The following C7orf33 variants were observed in gnomAD, a reference collection of about 807,000 sequenced individuals.
The protein encoded by C7orf33 is chromosome 7 open reading frame 33.
In C7orf33, 15 loss-of-function variants were observed where a neutral mutation model predicts 13.4. The ratio of observed to expected loss-of-function variants is 1.12; its 90% CI spans 0.75 to 1.72. The LOEUF (loss-of-function observed/expected upper bound fraction) is 1.72. C7orf33 is among the 40% of genes most tolerant of loss of function. C7orf33 has a pLI of 0.00. For missense variants in C7orf33, 187 were observed against 220.3 expected, an observed-to-expected ratio of 0.85 and a Z score of 0.96; for synonymous variants, 73 against 83.2, an observed-to-expected ratio of 0.88 and a Z score of 0.67.
At chr7:148,612,943 G>C (rs530263216) in intron 1 of C7orf33, among the ~76,000 whole-genome samples, 1 of 151,814 alleles carries the variant, frequency 6.6e-6, no homozygotes, top group South Asian at 2.1e-4. Context: ...GATCAAATCA[G>C]GGTAATCAGT....
chr7:148,613,009 C>G (rs995290786), intron 1 of C7orf33, among the ~76,000 whole-genome samples: 5 of 152,078 alleles, frequency 3.3e-5, no homozygotes, highest in Non-Finnish European at 5.9e-5. Context: ...TCAAAACCCT[C>G]TCTTCTAGTT....
At chr7:148,599,945 C>T (rs1007752480) in intron 1 of C7orf33, among the ~76,000 whole-genome samples, 4 of 152,200 alleles carry the variant, frequency 2.6e-5, no homozygotes, top group Non-Finnish European at 2.9e-5. Flanking sequence ...TCCATCTACA[C>T]GCCCATAAAC....
chr7:148,614,707 C>T (rs936147606), intron 2 of C7orf33, among the ~76,000 whole-genome samples: 2 of 152,164 alleles, frequency 1.3e-5, no homozygotes, highest in Admixed American at 6.5e-5. Flanking sequence ...TACGTGAGCC[C>T]GTACAACCAC....
chr7:148,598,002 G>A (rs1309168821), intron 1 of C7orf33, among the ~76,000 whole-genome samples: 7 of 152,246 alleles, frequency 4.6e-5, no homozygotes, highest in African/African-American at 9.6e-5. Flanking sequence ...TGATCCTCCC[G>A]CCTTGGTCTC....
intron 1 of C7orf33, among the ~76,000 whole-genome samples, chr7:148,591,406 T>C (rs151161333): frequency 6.6e-6 from 1 of 152,196 alleles, no homozygotes; most frequent in African/African-American, 2.4e-5. Flanking sequence ...AGCGTAAAAA[T>C]TGTATATTTT....
chr7:148,591,875 T>C (rs1246236016), intron 1 of C7orf33, among the ~76,000 whole-genome samples: 1 of 152,148 alleles, frequency 6.6e-6, no homozygotes, highest in African/African-American at 2.4e-5. Context: ...ACCTGGATCC[T>C]TAACTCTTTG....
Position 148,591,018 on chromosome 7 carries a change from G to C in C7orf33, c.93G>C (p.Gly31=). 6.2e-7 allele frequency: 1 copy of C among 1,614,194 alleles called. No homozygotes were observed. The highest frequency in any genetic ancestry group is 1.3e-5 in the African/African-American group (1 of 75,054). Residue 31 remains glycine (G), a synonymous_variant, in exon 1 of 3, where the codon GGG becomes GGC. Coordinates refer to ENST00000307003, the MANE Select transcript of C7orf33 (RefSeq NM_145304.4). ...AATGTGAAGCCCTCCTGCCCAGTGG[G>C]GCAAGGCGCCGGATTGACCTTCGCC... is the stretch of plus-strand genomic sequence containing the variant. ...QCECEALLPS[G]ARRRIDLRLS... is the part of the protein sequence containing the mutation.
chr7:148,599,416 A>C (rs1796388476), intron 1 of C7orf33, among the ~76,000 whole-genome samples: 1 of 152,072 alleles, frequency 6.6e-6, no homozygotes, highest in African/African-American at 2.4e-5. Flanking sequence ...CTACCTTGAC[A>C]AAAATGCTTT....
chr7:148,611,192 G>A lies in C7orf33; in HGVS notation c.205-2850G>A, dbSNP rs79477747. On this transcript the variant is annotated intron_variant, in intron 1 of 2. Transcript: ENST00000307003. Reference sequence around the variant, plus strand: ...GAGTTGGGCAGGGAAGTGCTGGGTAGAGAAGGGCCAGGTCCCTGGTGAGGG... The same window carrying A: ...GAGTTGGGCAGGGAAGTGCTGGGTAAAGAAGGGCCAGGTCCCTGGTGAGGG... Among the ~76,000 whole-genome samples the A allele has an allele frequency of 1.5e-3, 232 of 152,266 alleles. 6 individuals are homozygous for A. The East Asian group carries it at 0.034, about 23-fold the overall frequency.
At chr7:148,605,027 T>A (rs1264396687) in intron 1 of C7orf33, among the ~76,000 whole-genome samples, 1 of 151,942 alleles carries the variant, frequency 6.6e-6, no homozygotes, top group East Asian at 1.9e-4. Flanking sequence ...AGGTCAGGAG[T>A]TCAAGACCAG....
intron 1 of C7orf33, among the ~76,000 whole-genome samples, chr7:148,613,602 C>T (rs1241646610): frequency 1.3e-5 from 2 of 152,114 alleles, no homozygotes; most frequent in African/African-American, 2.4e-5. Context: ...TGTGAAATGT[C>T]CAGATTGGCA....
intron 1 of C7orf33, among the ~76,000 whole-genome samples, chr7:148,599,711 G>A (rs1028244218): frequency 2.6e-5 from 4 of 152,042 alleles, no homozygotes; most frequent in Non-Finnish European, 5.9e-5. Flanking sequence ...CTGACCTCGT[G>A]ATCCACCCAC....
Position 148,615,017 on chromosome 7 carries a change from G to A in C7orf33, c.460-310G>A, listed in dbSNP as rs1358242752. Among the ~76,000 whole-genome samples, 5 of 152,104 alleles carry A rather than the reference G, an allele frequency of 3.3e-5. No individual in the cohort carries two copies. The East Asian group carries it at 9.6e-4, about 29-fold the overall frequency. On this transcript the variant is annotated intron_variant, in intron 2 of 2. Coordinates refer to ENST00000307003, the MANE Select transcript of C7orf33 (RefSeq NM_145304.4). ...AAATTGATTTTGTTAGGAACTGGTG[G>A]GAGCTGGTAGAGATAGCGATTTTTT...
At chr7:148,609,674 T>C (rs1203855506) in intron 1 of C7orf33, among the ~76,000 whole-genome samples, 2 of 152,248 alleles carry the variant, frequency 1.3e-5, no homozygotes, top group Non-Finnish European at 2.9e-5. Flanking sequence ...CCCGAGGCTC[T>C]GCAGCCACAA....
chr7:148,597,731 TTTG>T (rs1796356397), intron 1 of C7orf33, among the ~76,000 whole-genome samples: 1 of 43,932 alleles, frequency 2.3e-5, no homozygotes, highest in Non-Finnish European at 4.8e-5. Flanking sequence ...TTCCTCTGCA[TTTG>T]TTTTGTTTTG....
intron 1 of C7orf33, among the ~76,000 whole-genome samples, chr7:148,603,355 G>A (rs1220360896): frequency 6.6e-6 from 1 of 152,044 alleles, no homozygotes; most frequent in Non-Finnish European, 1.5e-5. Context: ...CCAGGAGCTC[G>A]AGACCAGCCT....
chr7:148,604,032 T>C (rs759449208), intron 1 of C7orf33, among the ~76,000 whole-genome samples: 12 of 152,030 alleles, frequency 7.9e-5, no homozygotes, highest in Non-Finnish European at 4.4e-5. Flanking sequence ...AATTGTGATA[T>C]ATGTATCCCA....
Position 148,598,763 on chromosome 7 carries a change from TAGAGAGAGAGAGAGAGAG to T in C7orf33, c.204+7670_204+7687del, listed in dbSNP as rs774619392. ...ATATATATATATATATATATATATA[TAGAGAGAGAGAGAGAGAG>T]AGAGAGAGAGAGAGAGAGAGAGAGA... On this transcript the variant is annotated intron_variant, in intron 1 of 2. Coordinates refer to ENST00000307003, the MANE Select transcript of C7orf33 (RefSeq NM_145304.4). Among the ~76,000 whole-genome samples the T allele has an allele frequency of 6.6e-3, 172 of 26,162 alleles. 3 individuals carry two copies. The highest frequency in any genetic ancestry group is 0.01 in the African/African-American group (70 of 6,696). The allele number at this position is 26,162 out of a possible 152,430, so 17.2% of individuals were successfully genotyped here. A position where few individuals can be genotyped will look rare whatever the true frequency, so the allele number is the denominator to read the frequency against.
Position 148,614,034 on chromosome 7 carries a change from T to A in C7orf33, c.205-8T>A. ...AACCCAATTTGTTTGTTTGTTTGTT[T>A]TTTCCAGAAGCCAAACCCACACCAA... On this transcript the variant is annotated splice_polypyrimidine_tract_variant and splice_region_variant and intron_variant, in intron 1 of 2. Coordinates refer to ENST00000307003, the MANE Select transcript of C7orf33 (RefSeq NM_145304.4). 6.2e-7 allele frequency: 1 copy of A among 1,611,410 alleles called. No individual in the cohort carries two copies. Among genetic ancestry groups the A allele is most frequent in the Non-Finnish European group, 8.5e-7 (1 of 1,177,844 alleles).
Sources: allele counts gnomAD v4.1 joint callset (sites outside exome capture counted in the v4.1 genomes callset), GRCh38; gene constraint gnomAD v4.1.1; transcripts MANE v1.5; gene names NCBI Gene and HGNC (gene_info 2026-07-23, HGNC 2026-07-21).